The following SRGAP3 variants were observed in gnomAD, a reference collection of about 807,000 sequenced individuals.
The protein encoded by SRGAP3 is SLIT-ROBO Rho GTPase activating protein 3, also known as SLIT-ROBO Rho GTPase-activating protein 3.
A neutral mutation model predicts 121.1 loss-of-function variants in SRGAP3; 39 were observed. The ratio of observed to expected loss-of-function variants is 0.32; its 90% CI spans 0.25 to 0.42. The LOEUF (loss-of-function observed/expected upper bound fraction) is 0.42. SRGAP3 is among the 10% of genes least tolerant of loss of function. The probability of loss-of-function intolerance (pLI) is 1.00; values close to 1 mark genes in which losing one functional copy is unlikely to be tolerated. For missense variants in SRGAP3, 1,213 were observed against 1,470.6 expected (o/e 0.82, Z 2.86); for synonymous variants, 601 against 570.0 (o/e 1.05, Z -0.77).
chr3:9,146,285 T>C (rs1027211379), intron 1 of SRGAP3, among the ~76,000 whole-genome samples: 6 of 152,334 alleles, frequency 3.9e-5, no homozygotes, highest in African/African-American at 1.4e-4. Context: ...GCAAAGGTTC[T>C]TGTAGTAGAG....
chr3:9,205,571 C>G (rs1952237242), intron 1 of SRGAP3, among the ~76,000 whole-genome samples: 1 of 152,218 alleles, frequency 6.6e-6, no homozygotes, highest in Admixed American at 6.5e-5. Flanking sequence ...CAGCCCCACC[C>G]AAATCTAGAA....
intron 6 of SRGAP3, 92 bp downstream of exon 6, chr3:9,060,139 G>C (rs745391988): frequency 2.5e-5 from 40 of 1,595,898 alleles, no homozygotes; most frequent in Non-Finnish European, 3.3e-5. Context: ...AGAATGTCAG[G>C]TAAAGACAAA....
At chr3:9,356,198 T>TC (rs1370073266) in intron 1 of SRGAP3, among the ~76,000 whole-genome samples, 8 of 143,034 alleles carry the variant, frequency 5.6e-5, no homozygotes, top group Non-Finnish European at 9.1e-5. Flanking sequence ...TTTTCTTTTT[T>TC]TTTTTTTTTT....
chr3:9,309,690 T>C (rs1310535759), intron 3 of SRGAP3, among the ~76,000 whole-genome samples: 1 of 152,098 alleles, frequency 6.6e-6, no homozygotes, highest in Admixed American at 6.6e-5. Flanking sequence ...TGAGACCCCA[T>C]CTCTACAAAA....
intron 3 of SRGAP3, among the ~76,000 whole-genome samples, chr3:9,100,928 AC>A (rs1560148451): frequency 6.6e-6 from 1 of 152,192 alleles, no homozygotes; most frequent in Non-Finnish European, 1.5e-5. Context: ...TTCCAGGAGG[AC>A]GATGGAAGGA....
At chr3:9,094,272 C>G (rs1575065205) in intron 3 of SRGAP3, among the ~76,000 whole-genome samples, 1 of 152,282 alleles carries the variant, frequency 6.6e-6, no homozygotes, top group Middle Eastern at 3.4e-3. Context: ...ATTAAGTTTT[C>G]AAGCTTTATT....
At chr3:9,154,906 T>C (rs1480592996) in intron 1 of SRGAP3, among the ~76,000 whole-genome samples, 2 of 152,132 alleles carry the variant, frequency 1.3e-5, no homozygotes, top group Admixed American at 1.3e-4. Context: ...GCTTTTTTGC[T>C]TTGTTCTCTT....
chr3:9,283,594 G>T (rs1224147306), intron 3 of SRGAP3, among the ~76,000 whole-genome samples: 2 of 152,040 alleles, frequency 1.3e-5, no homozygotes, highest in African/African-American at 4.8e-5. Context: ...AATACTGTCA[G>T]TTGTTTTCCT....
chr3:9,323,457 T>C lies in SRGAP3; in HGVS notation n.442+2553A>G, dbSNP rs1312900348. ...TTTGGTATCTATGATTCTCAAAGAC[T>C]GGCAGGGAATATGCAGCGTTTCTCT... On this transcript the variant is annotated intron_variant and non_coding_transcript_variant, in intron 3 of 3. Coordinates refer to the SRGAP3 transcript ENST00000490889. Among the ~76,000 whole-genome samples the C allele has an allele frequency of 2.6e-5, 4 of 151,874 alleles. No individual in the cohort carries two copies. The East Asian group carries it at 7.7e-4, about 29-fold the overall frequency.
chr3:9,100,020 T>C (rs1948154089), intron 3 of SRGAP3, among the ~76,000 whole-genome samples: 1 of 152,156 alleles, frequency 6.6e-6, no homozygotes, highest in Non-Finnish European at 1.5e-5. Flanking sequence ...CACGTGTGAG[T>C]CCATGTGGGG....
intron 3 of SRGAP3, among the ~76,000 whole-genome samples, chr3:9,097,315 A>T (rs1301167816): frequency 6.6e-6 from 1 of 152,046 alleles, no homozygotes; most frequent in African/African-American, 2.4e-5. Context: ...TTATTTATAG[A>T]TTGTTTATTG....
intron 1 of SRGAP3, among the ~76,000 whole-genome samples, chr3:9,213,614 C>T (rs760534913): frequency 1.3e-5 from 2 of 152,240 alleles, no homozygotes; most frequent in Non-Finnish European, 2.9e-5. Context: ...GTTCTCCACA[C>T]TCTAGGAGGA....
intron 1 of SRGAP3, among the ~76,000 whole-genome samples, chr3:9,212,305 C>T (rs1952473798): frequency 6.6e-6 from 1 of 152,154 alleles, no homozygotes; most frequent in Non-Finnish European, 1.5e-5. Flanking sequence ...GGATGATGGT[C>T]ATTGTTTCCC....
chr3:9,281,820 G>GCC (rs1954685466), intron 3 of SRGAP3, among the ~76,000 whole-genome samples: 1 of 151,952 alleles, frequency 6.6e-6, no homozygotes, highest in Admixed American at 6.6e-5. Context: ...CTACAGGCAT[G>GCC]CACCACCACG....
In SRGAP3 at chr3:9,064,421, T is replaced by C. The variant is rs549356436; in HGVS notation, c.647A>G (p.Lys216Arg). ...EDRPQRRSSV[K>R]KIEKMKEKRQ... ...CTTCTCCTTCATCTTCTCAATCTTC[T>C]TCACAGAGCTGCGGCGCTGGGGCCG... is the stretch of plus-strand genomic sequence containing the variant. Residue 216 changes from lysine (K) to arginine (R), a missense_variant, in exon 5 of 22, where the codon AAG (lysine) becomes AGG (arginine). Around this residue, in one of 2 missense-constraint regions of SRGAP3, gnomAD observed 793 missense variants for 1,032.9 expected, o/e 0.77. Coordinates refer to ENST00000383836, the MANE Select transcript of SRGAP3 (RefSeq NM_014850.4). 1.2e-6 allele frequency: 2 copies of C among 1,614,208 alleles called. No individual in the cohort carries two copies. Among genetic ancestry groups the C allele is most frequent in the African/African-American group, 1.3e-5 (1 of 75,054 alleles).
In SRGAP3 at chr3:9,076,369, A is replaced by C. The variant is rs1190900482; in HGVS notation, c.486+3656T>G. ...GAGTGTTAATTAAATAATATATATA[A>C]AATACCTAATACAGAGTGAGATGCA... On this transcript the variant is annotated intron_variant, in intron 4 of 21. Transcript: ENST00000383836. 5.3e-5 allele frequency among the ~76,000 whole-genome samples: 8 copies of C among 152,264 alleles called. No individual in the cohort carries two copies. In the South Asian group the frequency reaches 1.7e-3, roughly 32 times the overall value.
chr3:9,134,089 C>T (rs1316114832), intron 1 of SRGAP3, among the ~76,000 whole-genome samples: 4 of 152,354 alleles, frequency 2.6e-5, no homozygotes, highest in East Asian at 3.9e-4. Context: ...GGAACGCCAG[C>T]AACTTGCCCT....
intron 4 of SRGAP3, among the ~76,000 whole-genome samples, chr3:9,072,328 T>C (rs1280798158): frequency 1.3e-5 from 2 of 152,214 alleles, no homozygotes; most frequent in Admixed American, 6.5e-5. Context: ...CCCTCTTCCA[T>C]GTTCCCACAC....
intron 3 of SRGAP3, among the ~76,000 whole-genome samples, chr3:9,312,814 G>A (rs147774258): frequency 3.3e-5 from 5 of 151,778 alleles, no homozygotes; most frequent in African/African-American, 1.2e-4. Flanking sequence ...GCGAGACCCT[G>A]TCTCTTCAAA....
Sources: allele counts gnomAD v4.1 joint callset (sites outside exome capture counted in the v4.1 genomes callset), GRCh38; gene constraint gnomAD v4.1.1; regional missense constraint gnomAD v4.1.1; transcripts MANE v1.5; gene names NCBI Gene and HGNC (gene_info 2026-07-23, HGNC 2026-07-21).